Variants in THOC1 observed in about 807,000 individuals in gnomAD.
THOC1 encodes the protein THO complex 1.
In THOC1, 29 loss-of-function variants were observed where a neutral mutation model predicts 97.3. The observed-to-expected ratio is 0.30, with a 90% confidence interval of 0.22 to 0.41. The LOEUF is 0.41. Among genes scored for constraint, THOC1 ranks in the 10% least tolerant of loss-of-function variants. THOC1 has a pLI of 1.00. For synonymous variants in THOC1, 255 were observed against 257.0 expected (o/e 0.99, Z 0.07); for missense variants, 529 against 761.9 (o/e 0.69, Z 3.60).
chr18:230,700 A>G (rs1911455103), intron 11 of THOC1, among the ~76,000 whole-genome samples: 1 of 151,572 alleles, frequency 6.6e-6, no homozygotes, highest in African/African-American at 2.4e-5. Context: ...TATTTAAAAA[A>G]TTATATCATT....
At chr18:259,377 T>A (rs2143293948) in intron 6 of THOC1, 102 bp from the exon 7 acceptor site, 1 of 987,318 alleles carries the variant, frequency 1.0e-6, no homozygotes, top group South Asian at 1.8e-5. Flanking sequence ...AGTATTTTCC[T>A]AAAGCAGTAG....
chr18:229,710 A>G (rs11877071), intron 11 of THOC1, among the ~76,000 whole-genome samples: 6,261 of 152,188 alleles, frequency 0.041, 341 homozygotes, highest in African/African-American at 0.13. Flanking sequence ...TGTTTTGTCA[A>G]GATCACCAAT....
intron 11 of THOC1, chr18:244,259 C>T (rs1039328536): frequency 3.3e-5 from 5 of 152,028 alleles, no homozygotes; most frequent in African/African-American, 1.2e-4. Context: ...TGTTTATAGT[C>T]AATAGTAAAT....
chr18:217,171 C>G lies in THOC1; in HGVS notation c.1455-538G>C, dbSNP rs377042700. On this transcript the variant is annotated intron_variant, in intron 18 of 20. Transcript: ENST00000261600. Reference sequence around the variant, plus strand: ...TTTTGGATTGGAAGTCTCTTCCTCCCCTAAGAATAGCAATTTGGTTTATTT... The same window carrying G: ...TTTTGGATTGGAAGTCTCTTCCTCCGCTAAGAATAGCAATTTGGTTTATTT... Among the ~76,000 whole-genome samples, 267 of 152,310 alleles carry G rather than the reference C, an allele frequency of 1.8e-3. 5 individuals carry two copies. The South Asian group carries it at 0.051, about 29-fold the overall frequency.
chr18:262,244 C>T (rs1184307164), intron 4 of THOC1, among the ~76,000 whole-genome samples: 1 of 152,162 alleles, frequency 6.6e-6, no homozygotes, highest in Non-Finnish European at 1.5e-5. Flanking sequence ...TTTAGCACAT[C>T]CTAACTAGTC....
At chr18:235,831 C>G (rs1326188475) in intron 11 of THOC1, among the ~76,000 whole-genome samples, 2 of 152,140 alleles carry the variant, frequency 1.3e-5, no homozygotes, top group Non-Finnish European at 2.9e-5. Flanking sequence ...TCTATTTGTT[C>G]TATACTACAC....
rs774220742 is a variant in THOC1 at position 264,047 on chromosome 18, C to T, written c.235G>A (p.Ala79Thr). ...TTACCTTCAGTTACTCCCCCAATAGCAAGAGAAATAATAGCTAAAACGTTT... is the reference window on the plus strand; with the variant it reads ...TTACCTTCAGTTACTCCCCCAATAGTAAGAGAAATAATAGCTAAAACGTTT... ...CENVLAIISL[A>T]IGGVTEGICT... Residue 79 changes from alanine to threonine, a missense_variant, in exon 4 of 21, where the codon GCT becomes ACT. This residue lies in a region of THOC1 where 114 missense variants were observed against 97.4 expected (regional missense o/e 1.17). Coordinates refer to ENST00000261600, the MANE Select transcript of THOC1 (RefSeq NM_005131.3). The T allele has an allele frequency of 8.1e-6, 13 of 1,611,910 alleles. No homozygotes were observed. Among genetic ancestry groups the T allele is most frequent in the Non-Finnish European group, 1.1e-5 (13 of 1,178,750 alleles).
rs758439386 is a variant in THOC1, at chr18:224,234, A to G, written c.1209-55T>C. 3.3e-5 allele frequency: 42 copies of G among 1,276,308 alleles called. No individual in the cohort carries two copies. The East Asian group carries it at 1.0e-3, about 31-fold the overall frequency. The allele number at this position is 1,276,308 out of a possible 1,614,324, so 79.1% of individuals were successfully genotyped here. The stretch of plus-strand genomic sequence containing the variant: ...TGAATTACAAATGGATAACAGAAAT[A>G]GAAGAATGTTTAACGTAAAAGAAAA... On this transcript the variant is annotated intron_variant, in intron 15 of 20. Coordinates refer to ENST00000261600, the MANE Select transcript of THOC1 (RefSeq NM_005131.3).
At chr18:224,877 G>A (rs114180846) in intron 15 of THOC1, 47 bp downstream of exon 15, 12 of 1,434,902 alleles carry the variant, frequency 8.4e-6, no homozygotes, top group Admixed American at 4.0e-5. Flanking sequence ...CTTTCTCGTC[G>A]TTCTTGTGAT....
At chr18:221,606 C>CTTTTTTTTTTTTTT (rs369952039) in intron 17 of THOC1, among the ~76,000 whole-genome samples, 1 of 110,952 alleles carries the variant, frequency 9.0e-6, no homozygotes, top group Admixed American at 1.1e-4. Flanking sequence ...ATAGATGGAT[C>CTTTTTTTTTTTTTT]TTTTTTTTTT....
At chr18:229,923 C>A (rs1000153513) in intron 11 of THOC1, among the ~76,000 whole-genome samples, 1 of 152,240 alleles carries the variant, frequency 6.6e-6, no homozygotes, top group African/African-American at 2.4e-5. Context: ...TGAATCTACA[C>A]TCTCCCCTTT....
chr18:237,111 T>TGGC (rs1911731271), intron 11 of THOC1, among the ~76,000 whole-genome samples: 1 of 151,768 alleles, frequency 6.6e-6, no homozygotes, highest in Non-Finnish European at 1.5e-5. Context: ...TCAGACTGTG[T>TGGC]GGCTTGAGAG....
At chr18:260,476 A>C (rs561966502) in intron 4 of THOC1, 172 bp from the exon 5 acceptor site, 1 of 456,430 alleles carries the variant, frequency 2.2e-6, no homozygotes, top group African/African-American at 2.0e-5. Flanking sequence ...GACATACTTA[A>C]GTAATTTTTG....
chr18:234,543 G>A (rs942456086), intron 11 of THOC1, among the ~76,000 whole-genome samples: 1 of 148,080 alleles, frequency 6.8e-6, no homozygotes, highest in Non-Finnish European at 1.5e-5. Context: ...TCTTTAATCT[G>A]TTTTTTTTTT....
chr18:267,496 G>A lies in THOC1; in HGVS notation c.54+470C>T, dbSNP rs71361489. Among the ~76,000 whole-genome samples, 25 of 152,330 alleles carry A rather than the reference G, an allele frequency of 1.6e-4. No individual in the cohort carries two copies. In the South Asian group the frequency reaches 1.9e-3, roughly 11 times the overall value. On this transcript the variant is annotated intron_variant, in intron 1 of 20. Transcript: ENST00000261600. Reference sequence around the variant, plus strand: ...GCTTAGGATCTCATCGATCGCTTAGGAGTTAGACACGGTGGGTTAAGGGGT... The same window carrying A: ...GCTTAGGATCTCATCGATCGCTTAGAAGTTAGACACGGTGGGTTAAGGGGT...
intron 19 of THOC1, chr18:216,169 G>C (rs1326155303): frequency 1.3e-5 from 3 of 224,318 alleles, no homozygotes; most frequent in African/African-American, 7.0e-5. Flanking sequence ...GGCCAGGATG[G>C]TCTCAATCTC....
At chr18:267,788 G>A (rs1407491847) in intron 1 of THOC1, among the ~76,000 whole-genome samples, 178 bp downstream of exon 1, 2 of 152,178 alleles carry the variant, frequency 1.3e-5, no homozygotes, top group Non-Finnish European at 2.9e-5. Context: ...AGCCCACAAA[G>A]AAGAGGCGGG....
chr18:252,347 A>G (rs536769662), intron 9 of THOC1, among the ~76,000 whole-genome samples, 192 bp downstream of exon 9: 7 of 152,356 alleles, frequency 4.6e-5, no homozygotes, highest in African/African-American at 1.4e-4. Flanking sequence ...CTGTCTGCAC[A>G]TAATATAGAA....
chr18:236,350 CTTTTTTTTTTTTTTT>C (rs71174215), intron 11 of THOC1, among the ~76,000 whole-genome samples: 1 of 88,374 alleles, frequency 1.1e-5, no homozygotes, highest in African/African-American at 4.2e-5. Flanking sequence ...GAATAAGATT[CTTTTTTTTTTTTTTT>C]TTTTTTTTGA....
Sources: gnomAD v4.1 joint callset for allele counts (sites outside exome capture counted in the v4.1 genomes callset) on GRCh38, gnomAD v4.1.1 for gene constraint, gnomAD v4.1.1 regional missense constraint, MANE v1.5 for transcripts, NCBI Gene and HGNC (gene_info 2026-07-23, HGNC 2026-07-21) for gene names.